Variants in TDRD7 observed in about 807,000 individuals in gnomAD.
TDRD7 encodes tudor domain containing 7.
In TDRD7, 47 loss-of-function variants were observed where a neutral mutation model predicts 109.8. That is an observed-to-expected ratio of 0.43 (90% confidence interval 0.34 to 0.55). TDRD7 has a LOEUF of 0.55. Among genes scored for constraint, TDRD7 ranks in the 20% least tolerant of loss-of-function variants. TDRD7 has a pLI of 0.03. For synonymous variants in TDRD7, 424 were observed against 457.3 expected, an observed-to-expected ratio of 0.93 and a Z score of 0.93; for missense variants, 1,164 against 1,319.2, an observed-to-expected ratio of 0.88 and a Z score of 1.82.
intron 1 of TDRD7, among the ~76,000 whole-genome samples, chr9:97,428,066 A>G (rs561016332): frequency 6.6e-6 from 1 of 152,204 alleles, no homozygotes; most frequent in African/African-American, 2.4e-5. Flanking sequence ...AATTTTTGGA[A>G]CACACCATGT....
In TDRD7 at chr9:97,483,190, G is replaced by A; in HGVS notation, c.2754G>A (p.Val918=). The A allele has an allele frequency of 1.9e-6, 3 of 1,613,738 alleles. No homozygotes were observed. Among genetic ancestry groups the A allele is most frequent in the Non-Finnish European group, 2.5e-6 (3 of 1,179,680 alleles). Residue 918 remains valine (V), a synonymous_variant, in exon 15 of 17, where the codon GTG becomes GTA. Transcript: ENST00000355295. The part of the protein sequence containing the change: ...SKPGEHMDVY[V]PVACHPGYFV... ...CAGGGGAACACATGGATGTGTATGT[G>A]CCTGTGGCCTGTCACCCAGGCTACT...
intron 16 of TDRD7, among the ~76,000 whole-genome samples, chr9:97,487,538 C>T (rs1396075872): frequency 6.6e-6 from 1 of 151,908 alleles, no homozygotes; most frequent in East Asian, 1.9e-4. Flanking sequence ...TGCTGTTTCT[C>T]TTTTCTCTAC....
intron 6 of TDRD7, among the ~76,000 whole-genome samples, chr9:97,457,848 C>T (rs967097942): frequency 3.9e-5 from 6 of 152,088 alleles, no homozygotes; most frequent in Admixed American, 6.5e-5. Flanking sequence ...TGGATGAAAC[C>T]GGAAGCCATT....
intron 12 of TDRD7, among the ~76,000 whole-genome samples, chr9:97,477,030 C>T (rs923493379): frequency 2.0e-5 from 3 of 152,002 alleles, no homozygotes; most frequent in African/African-American, 4.8e-5. Flanking sequence ...AAACATGACT[C>T]GTTGAAAAGG....
At chr9:97,439,384 G>T in intron 5 of TDRD7, 66 bp downstream of exon 5, 1 of 1,346,720 alleles carries the variant, frequency 7.4e-7, no homozygotes. Flanking sequence ...ATCTGGTGGT[G>T]GCTTTTGACA....
At chr9:97,437,364 G>T (rs1828221153) in intron 4 of TDRD7, among the ~76,000 whole-genome samples, 1 of 152,168 alleles carries the variant, frequency 6.6e-6, no homozygotes, top group Non-Finnish European at 1.5e-5. Flanking sequence ...TTAGTCCCTA[G>T]GTGGCTATTG....
chr9:97,438,968 A>G (rs1307582419), intron 4 of TDRD7, among the ~76,000 whole-genome samples: 2 of 152,110 alleles, frequency 1.3e-5, no homozygotes, highest in South Asian at 2.1e-4. Flanking sequence ...CCAGTTTCTT[A>G]TAAGTGATTA....
At chr9:97,427,393 G>C (rs911739241) in intron 1 of TDRD7, among the ~76,000 whole-genome samples, 15 of 151,632 alleles carry the variant, frequency 9.9e-5, no homozygotes, top group Admixed American at 9.2e-4. Context: ...TTATAGGTTC[G>C]TCTTCCTCTA....
At chr9:97,473,403 T>C (rs1828955520) in intron 10 of TDRD7, 89 bp from the exon 11 acceptor site, 4 of 1,554,104 alleles carry the variant, frequency 2.6e-6, no homozygotes, top group Non-Finnish European at 3.5e-6. Context: ...CAAAGACTTG[T>C]TATGGGATGT....
intron 8 of TDRD7, 78 bp downstream of exon 8, chr9:97,465,106 T>C: frequency 6.6e-7 from 1 of 1,516,416 alleles, no homozygotes; most frequent in Non-Finnish European, 8.9e-7. Flanking sequence ...TTTTTTACAT[T>C]TTTGAAATTT....
intron 6 of TDRD7, among the ~76,000 whole-genome samples, chr9:97,445,326 C>T (rs1239461210): frequency 2.0e-5 from 3 of 152,160 alleles, no homozygotes; most frequent in Non-Finnish European, 4.4e-5. Flanking sequence ...CGTGTGCTAG[C>T]CACTGACCTG....
intron 8 of TDRD7, among the ~76,000 whole-genome samples, chr9:97,469,531 G>A (rs1828876979): frequency 6.6e-6 from 1 of 152,162 alleles, no homozygotes; most frequent in African/African-American, 2.4e-5. Flanking sequence ...AAGCTGGCCT[G>A]TGGACTTTAT....
chr9:97,483,727 C>T (rs1829163790), intron 15 of TDRD7, among the ~76,000 whole-genome samples: 1 of 151,628 alleles, frequency 6.6e-6, no homozygotes, highest in South Asian at 2.1e-4. Context: ...TTAAAATCAA[C>T]CACCCACACA....
intron 4 of TDRD7, among the ~76,000 whole-genome samples, chr9:97,434,283 A>G (rs1828156840): frequency 6.6e-6 from 1 of 152,170 alleles, no homozygotes; most frequent in Non-Finnish European, 1.5e-5. Context: ...ACACCACATT[A>G]TCTTATATGT....
At chr9:97,490,696 A>T (rs1587898052) in intron 16 of TDRD7, among the ~76,000 whole-genome samples, 1 of 146,052 alleles carries the variant, frequency 6.8e-6, no homozygotes, top group Non-Finnish European at 1.5e-5. Context: ...CTTATTATGC[A>T]TTTGTTACAC....
intron 1 of TDRD7, among the ~76,000 whole-genome samples, chr9:97,418,351 C>T (rs550671385): frequency 7.0e-4 from 106 of 152,046 alleles, no homozygotes; most frequent in African/African-American, 2.5e-3. Flanking sequence ...CCAAGAGTCT[C>T]GGGGCAAAGG....
At chr9:97,419,533 AG>A (rs934410268) in intron 1 of TDRD7, among the ~76,000 whole-genome samples, 1 of 152,216 alleles carries the variant, frequency 6.6e-6, no homozygotes, top group African/African-American at 2.4e-5. Flanking sequence ...CGTGAAGTAT[AG>A]GTCCCAAAGC....
chr9:97,429,718 A>G (rs1035210270), intron 2 of TDRD7, among the ~76,000 whole-genome samples: 2 of 152,198 alleles, frequency 1.3e-5, no homozygotes, highest in African/African-American at 4.8e-5. Context: ...CTTGTAATAC[A>G]TCCGTTATCA....
chr9:97,436,300 G>GA (rs1233980389), intron 4 of TDRD7, among the ~76,000 whole-genome samples: 4 of 151,958 alleles, frequency 2.6e-5, no homozygotes, highest in African/African-American at 9.7e-5. Context: ...TTTGAAAAGT[G>GA]AAAAAAATCT....
Sources: allele counts gnomAD v4.1 joint callset (sites outside exome capture counted in the v4.1 genomes callset), GRCh38; gene constraint gnomAD v4.1.1; transcripts MANE v1.5; gene names NCBI Gene and HGNC (gene_info 2026-07-23, HGNC 2026-07-21).